ASTN2: variants seen among roughly 807,000 people sequenced by gnomAD.
The protein encoded by ASTN2 is astrotactin 2, also known as astrotactin-2.
ASTN2 carries 54 observed loss-of-function variants against 139.8 expected under a neutral mutation model. That is an observed-to-expected ratio of 0.39 (90% CI 0.31 to 0.48). The LOEUF is 0.48. ASTN2 is among the 20% of genes least tolerant of loss of function. The pLI, the probability that ASTN2 is intolerant of heterozygous loss-of-function variation, is 0.95. For synonymous variants in ASTN2, 756 were observed against 719.5 expected (o/e 1.05, Z -0.81); for missense variants, 1,565 against 1,725.1 (o/e 0.91, Z 1.64).
intron 5 of ASTN2, among the ~76,000 whole-genome samples, chr9:117,074,689 G>T (rs1828232078): frequency 6.6e-6 from 1 of 152,164 alleles, no homozygotes; most frequent in Non-Finnish European, 1.5e-5. Context: ...CTTTGATGGT[G>T]CAGGGTGCCA....
intron 5 of ASTN2, among the ~76,000 whole-genome samples, chr9:117,080,841 C>T (rs571073995): frequency 6.6e-6 from 1 of 151,986 alleles, no homozygotes; most frequent in Non-Finnish European, 1.5e-5. Context: ...CCCTGACACC[C>T]CAGAGAACCA....
chr9:116,440,904 C>G, intron 21 of ASTN2, 112 bp from the exon 22 acceptor site: 1 of 1,083,634 alleles, frequency 9.2e-7, no homozygotes, highest in South Asian at 1.7e-5. Context: ...CTTGCATAAG[C>G]TCTGGGAGCA....
chr9:117,268,441 G>A (rs999965388), intron 2 of ASTN2, among the ~76,000 whole-genome samples: 3 of 152,144 alleles, frequency 2.0e-5, no homozygotes, highest in African/African-American at 7.2e-5. Context: ...CTGAACCAAC[G>A]TTTTCTTCCT....
chr9:117,161,126 T>A (rs954932760), intron 3 of ASTN2, among the ~76,000 whole-genome samples: 13 of 152,170 alleles, frequency 8.5e-5, no homozygotes, highest in African/African-American at 2.6e-4. Context: ...GTCTCTGAGA[T>A]AACATGTTAA....
At chr9:116,574,652 G>A (rs1293830690) in intron 19 of ASTN2, among the ~76,000 whole-genome samples, 2 of 152,178 alleles carry the variant, frequency 1.3e-5, no homozygotes, top group African/African-American at 4.8e-5. Flanking sequence ...AAAGAGATTG[G>A]CCTTTTCTCC....
intron 2 of ASTN2, among the ~76,000 whole-genome samples, chr9:117,238,963 A>G (rs1342136211): frequency 1.3e-5 from 2 of 152,216 alleles, no homozygotes; most frequent in African/African-American, 4.8e-5. Context: ...CTCAGCTATA[A>G]GATATTCCAC....
In ASTN2 at chr9:117,173,171, C is replaced by CA. The variant is rs1300231453; in HGVS notation, c.1016-31694dup. The stretch of plus-strand genomic sequence containing the variant: ...TTAATTGTAAAACACCAATTACTTA[C>CA]AAAAAAATAAATAAAACCACAGCAA... On this transcript the variant is annotated intron_variant, in intron 3 of 22. Transcript: ENST00000313400. 4.6e-5 allele frequency among the ~76,000 whole-genome samples: 7 copies of CA among 152,058 alleles called. No individual in the cohort carries two copies. In the East Asian group the frequency reaches 1.2e-3, roughly 25 times the overall value.
chr9:116,905,356 G>A (rs888832207), intron 10 of ASTN2, among the ~76,000 whole-genome samples: 28 of 152,156 alleles, frequency 1.8e-4, no homozygotes, highest in African/African-American at 6.5e-4. Context: ...GGATATAAAA[G>A]GAGACGAAGG....
At chr9:117,096,757 T>G (rs970384645) in intron 4 of ASTN2, among the ~76,000 whole-genome samples, 3 of 152,154 alleles carry the variant, frequency 2.0e-5, no homozygotes, top group Non-Finnish European at 4.4e-5. Flanking sequence ...GGAGTGCAAT[T>G]CATTTCAACA....
At chr9:116,812,906 T>A (rs1185872713) in intron 12 of ASTN2, among the ~76,000 whole-genome samples, 1 of 152,048 alleles carries the variant, frequency 6.6e-6, no homozygotes, top group African/African-American at 2.4e-5. Context: ...AAAATTCCCA[T>A]CCTTGTAAAG....
At chr9:117,182,696 GCTTTCAT>G (rs1831105269) in intron 3 of ASTN2, among the ~76,000 whole-genome samples, 2 of 151,944 alleles carry the variant, frequency 1.3e-5, no homozygotes, top group Non-Finnish European at 2.9e-5. Flanking sequence ...CAGAAGAAAA[GCTTTCAT>G]CTTAGGGCAA....
chr9:116,471,975 A>G (rs759311514), intron 20 of ASTN2, among the ~76,000 whole-genome samples: 4 of 152,066 alleles, frequency 2.6e-5, no homozygotes, highest in Admixed American at 6.6e-5. Flanking sequence ...CAACAGCCCC[A>G]CATGCCATGA....
chr9:116,472,261 T>C (rs1848836231), intron 20 of ASTN2, among the ~76,000 whole-genome samples: 1 of 152,148 alleles, frequency 6.6e-6, no homozygotes, highest in Non-Finnish European at 1.5e-5. Flanking sequence ...TTCAATATCC[T>C]ACCTCCCTGC....
At chr9:116,543,822 G>C (rs1023564333) in intron 19 of ASTN2, 1 of 152,140 alleles carries the variant, frequency 6.6e-6, no homozygotes, top group Non-Finnish European at 1.5e-5. Flanking sequence ...AGAACTACTT[G>C]TGACATCAGG....
At chr9:117,082,205 C>A (rs1040783271) in intron 5 of ASTN2, among the ~76,000 whole-genome samples, 1 of 152,136 alleles carries the variant, frequency 6.6e-6, no homozygotes, top group Admixed American at 6.5e-5. Flanking sequence ...GGCAGCAGCT[C>A]CAAAATCCAA....
intron 16 of ASTN2, among the ~76,000 whole-genome samples, chr9:116,721,276 T>C (rs1042115840): frequency 6.6e-6 from 1 of 152,244 alleles, no homozygotes; most frequent in African/African-American, 2.4e-5. Flanking sequence ...GAGATCCATC[T>C]GATTGTAAAA....
intron 16 of ASTN2, among the ~76,000 whole-genome samples, chr9:116,718,973 T>TATATATATATAG (rs1828396458): frequency 2.2e-5 from 1 of 45,120 alleles, no homozygotes; most frequent in East Asian, 5.0e-4. Context: ...CCTGTATCTG[T>TATATATATATAG]ACATATATAT....
chr9:116,624,406 T>C (rs553923913), intron 17 of ASTN2, among the ~76,000 whole-genome samples: 3 of 152,288 alleles, frequency 2.0e-5, no homozygotes, highest in Admixed American at 6.5e-5. Flanking sequence ...CTTCAAAGGA[T>C]CCGTGGCTTA....
Position 116,950,237 on chromosome 9 carries a change from C to T in ASTN2, c.1889+24971G>A, listed in dbSNP as rs187510016. 1.7e-4 allele frequency among the ~76,000 whole-genome samples: 26 copies of T among 152,326 alleles called. No homozygotes were observed. The East Asian group carries it at 4.1e-3, about 24-fold the overall frequency. On this transcript the variant is annotated intron_variant, in intron 10 of 22. Coordinates refer to ENST00000313400, the MANE Select transcript of ASTN2 (RefSeq NM_001365068.1). ...CAACTGGATGCCAGTAGTACCCTCC[C>T]AGGCAAGGCAACCAACATTGTTTCC...
Sources: gnomAD v4.1 joint callset for allele counts (sites outside exome capture counted in the v4.1 genomes callset) on GRCh38, gnomAD v4.1.1 for gene constraint, MANE v1.5 for transcripts, NCBI Gene and HGNC (gene_info 2026-07-23, HGNC 2026-07-21) for gene names.